Variants in FGD3 observed in about 807,000 individuals in gnomAD.
FGD3 encodes the protein FYVE, RhoGEF and PH domain-containing protein 3.
FGD3 carries 45 observed loss-of-function variants against 71.8 expected under a neutral mutation model. That is an observed-to-expected ratio of 0.63 (90% confidence interval 0.49 to 0.80). The LOEUF is 0.80. Ranked by LOEUF, FGD3 falls within the 30% of genes least tolerant of loss-of-function variation. FGD3 has a pLI of 0.00. For missense variants in FGD3, 844 were observed against 951.5 expected (o/e 0.89, Z 1.49); for synonymous variants, 378 against 392.8 (o/e 0.96, Z 0.44).
chr9:92,981,281 T>C lies in FGD3; in HGVS notation c.453+4572T>C, dbSNP rs1034084316. On this transcript the variant is annotated intron_variant, in intron 3 of 17. Coordinates refer to ENST00000375482, the MANE Select transcript of FGD3 (RefSeq NM_001083536.2). ...TACTCGGGAGGCTGAGGCAAGAGAA[T>C]GGCATGAACCTGGGAGGCGGAGCTT... 2.1e-5 allele frequency among the ~76,000 whole-genome samples: 3 copies of C among 145,618 alleles called. No homozygotes were observed. The South Asian group carries it at 6.4e-4, about 31-fold the overall frequency.
intron 14 of FGD3, among the ~76,000 whole-genome samples, chr9:93,025,466 C>A (rs1233494138): frequency 6.6e-6 from 1 of 152,218 alleles, no homozygotes; most frequent in East Asian, 1.9e-4. Flanking sequence ...CTGTGTCAAG[C>A]TGCACAGGGT....
intron 8 of FGD3, among the ~76,000 whole-genome samples, chr9:93,012,636 T>C (rs1342027986): frequency 7.0e-6 from 1 of 143,106 alleles, no homozygotes; most frequent in Non-Finnish European, 1.5e-5. Context: ...AATACAAAAA[T>C]TAGCCAGGTG....
chr9:92,948,815 C>T (rs1010033144), intron 1 of FGD3, among the ~76,000 whole-genome samples: 3 of 152,194 alleles, frequency 2.0e-5, no homozygotes, highest in Non-Finnish European at 4.4e-5. Context: ...GGGTGGTCAG[C>T]TGAAGGCCAG....
intron 1 of FGD3, among the ~76,000 whole-genome samples, chr9:92,955,595 T>C (rs192901706): frequency 1.0e-3 from 153 of 152,340 alleles, no homozygotes; most frequent in Non-Finnish European, 2.0e-3. Flanking sequence ...TGTGGGCCTT[T>C]ACCCGGGATT....
In FGD3 at chr9:92,976,647, G is replaced by A. The variant is rs1344974258; in HGVS notation, c.391G>A (p.Gly131Ser). The A allele has an allele frequency of 5.0e-6, 8 of 1,612,088 alleles. No homozygotes were observed. The highest frequency in any genetic ancestry group is 3.3e-5 in the Admixed American group (2 of 59,892). ...TPQEEADSDV[G>S]EEPDSENTPQ... ...CCAGGAGGAGGCGGACAGCGACGTG[G>A]GTGAGGAACCTGACTCTGAGAACAC... The change falls in exon 3 of 18, where the codon GGT (glycine) becomes AGT (serine). Residue 131 changes from glycine to serine, a missense_variant. Coordinates refer to ENST00000375482, the MANE Select transcript of FGD3 (RefSeq NM_001083536.2).
At chr9:92,953,014 T>G (rs1439729573) in intron 1 of FGD3, among the ~76,000 whole-genome samples, 1 of 152,224 alleles carries the variant, frequency 6.6e-6, no homozygotes, top group Non-Finnish European at 1.5e-5. Flanking sequence ...CAGAATGTGA[T>G]GTCTGGATTG....
chr9:92,973,360 C>T (rs1237967991), intron 1 of FGD3, among the ~76,000 whole-genome samples: 3 of 152,178 alleles, frequency 2.0e-5, no homozygotes, highest in Admixed American at 2.0e-4. Context: ...AGTGATCCAT[C>T]TGCCTTGGCC....
At chr9:92,993,794 CTCA>C in intron 3 of FGD3, among the ~76,000 whole-genome samples, 1 of 152,314 alleles carries the variant, frequency 6.6e-6, no homozygotes, top group African/African-American at 2.4e-5. Flanking sequence ...AGGACATGAA[CTCA>C]TCATTTTTTA....
At chr9:93,013,757 T>G in intron 8 of FGD3, 95 bp from the exon 9 acceptor site, 1 of 1,528,194 alleles carries the variant, frequency 6.5e-7, no homozygotes, top group South Asian at 1.2e-5. Context: ...CCTCTCTGGA[T>G]TCTGGGCCAC....
At chr9:92,958,457 C>A (rs2118509476) in intron 1 of FGD3, among the ~76,000 whole-genome samples, 1 of 152,346 alleles carries the variant, frequency 6.6e-6, no homozygotes. Flanking sequence ...GATGAACCTG[C>A]ACTGACACAT....
chr9:93,010,553 G>A (rs1861284039), intron 7 of FGD3, among the ~76,000 whole-genome samples, 169 bp downstream of exon 7: 1 of 150,642 alleles, frequency 6.6e-6, no homozygotes, highest in Non-Finnish European at 1.5e-5. Context: ...GGAGAGAGAT[G>A]GAGACAGGGA....
At chr9:92,978,846 C>T (rs1248043057) in intron 3 of FGD3, among the ~76,000 whole-genome samples, 1 of 141,726 alleles carries the variant, frequency 7.1e-6, no homozygotes, top group African/African-American at 2.6e-5. Flanking sequence ...ATTGCCCAGG[C>T]TCATCTCAAA....
At chr9:93,023,375 T>G (rs1861998470) in intron 14 of FGD3, among the ~76,000 whole-genome samples, 1 of 152,188 alleles carries the variant, frequency 6.6e-6, no homozygotes, top group Admixed American at 6.5e-5. Flanking sequence ...GATGTAGTGC[T>G]TCAGGGGCAC....
intron 14 of FGD3, among the ~76,000 whole-genome samples, chr9:93,025,149 C>T (rs1862072282): frequency 6.6e-6 from 1 of 152,224 alleles, no homozygotes; most frequent in African/African-American, 2.4e-5. Context: ...GACAGCACCG[C>T]CTGCCCCACT....
intron 6 of FGD3, among the ~76,000 whole-genome samples, chr9:93,007,257 AT>A (rs1247908606): frequency 1.3e-5 from 2 of 150,898 alleles, no homozygotes; most frequent in East Asian, 4.0e-4. Context: ...CGCCCGGCTA[AT>A]TTTTTATATT....
chr9:93,029,011 T>G (rs1388322468), intron 14 of FGD3, among the ~76,000 whole-genome samples: 6 of 113,820 alleles, frequency 5.3e-5, no homozygotes, highest in East Asian at 4.9e-4. Flanking sequence ...TTTTTTTTTT[T>G]TTTTTTTTTT....
chr9:92,967,868 C>T (rs1238767211), intron 1 of FGD3, among the ~76,000 whole-genome samples: 6 of 152,214 alleles, frequency 3.9e-5, no homozygotes, highest in Non-Finnish European at 7.3e-5. Context: ...CCACTGCGCC[C>T]GGCCTCCTTC....
chr9:92,960,514 C>A (rs927732722), intron 1 of FGD3, among the ~76,000 whole-genome samples: 2 of 152,154 alleles, frequency 1.3e-5, no homozygotes, highest in African/African-American at 4.8e-5. Flanking sequence ...AAAAAATGCA[C>A]CCCAGGTGTC....
At chr9:93,032,135 A>C (rs1216325122) in intron 15 of FGD3, among the ~76,000 whole-genome samples, 1 of 152,166 alleles carries the variant, frequency 6.6e-6, no homozygotes, top group Non-Finnish European at 1.5e-5. Flanking sequence ...GCTTTTGGCT[A>C]TTGTGAATAA....
Sources: allele counts gnomAD v4.1 joint callset (sites outside exome capture counted in the v4.1 genomes callset), GRCh38; gene constraint gnomAD v4.1.1; transcripts MANE v1.5; gene names NCBI Gene and HGNC (gene_info 2026-07-23, HGNC 2026-07-21).